The following DPP10 variants were observed in gnomAD, a reference collection of about 807,000 sequenced individuals.
DPP10 encodes dipeptidyl peptidase like 10.
A neutral mutation model predicts 120.9 loss-of-function variants in DPP10; 33 were observed. The observed-to-expected ratio is 0.27, with a 90% CI of 0.21 to 0.37. The LOEUF (loss-of-function observed/expected upper bound fraction) is 0.37, where lower values mean the gene tolerates loss of function less well. DPP10 is among the 10% of genes least tolerant of loss of function. The pLI, the probability that DPP10 is intolerant of heterozygous loss-of-function variation, is 1.00. For missense variants in DPP10, 816 were observed against 942.8 expected, an observed-to-expected ratio of 0.87 and a Z score of 1.76; for synonymous variants, 337 against 326.1, an observed-to-expected ratio of 1.03 and a Z score of -0.36.
chr2:114,499,664 G>T (rs17048450), intron 1 of DPP10, among the ~76,000 whole-genome samples: 7,239 of 151,958 alleles, frequency 0.048, 249 homozygotes, highest in African/African-American at 0.093. Flanking sequence ...CTTAGTGTCT[G>T]GTAGTAATCC....
chr2:114,754,539 TG>T (rs1452005061), intron 1 of DPP10, among the ~76,000 whole-genome samples: 6 of 152,232 alleles, frequency 3.9e-5, no homozygotes, highest in Non-Finnish European at 8.8e-5. Flanking sequence ...CTCTCTTTGA[TG>T]GTGGCTGCAC....
chr2:115,123,237 G>T (rs538359613), intron 1 of DPP10, among the ~76,000 whole-genome samples: 1 of 152,316 alleles, frequency 6.6e-6, no homozygotes, highest in South Asian at 2.1e-4. Flanking sequence ...TTTATAGCAG[G>T]AATGAAAGGA....
chr2:115,731,846 A>G (rs572382953), intron 8 of DPP10, among the ~76,000 whole-genome samples: 2 of 152,256 alleles, frequency 1.3e-5, no homozygotes. Context: ...CTTCAATGTT[A>G]AGGTTTGGCA....
intron 1 of DPP10, among the ~76,000 whole-genome samples, chr2:114,522,128 C>T (rs1173016064): frequency 6.7e-5 from 10 of 149,222 alleles, no homozygotes; most frequent in South Asian, 2.1e-4. Flanking sequence ...TACAGGCGCC[C>T]GCCACTACAC....
intron 1 of DPP10, among the ~76,000 whole-genome samples, chr2:115,220,730 C>T (rs887705436): frequency 4.6e-5 from 7 of 152,090 alleles, no homozygotes; most frequent in African/African-American, 1.7e-4. Flanking sequence ...TTGCTGAAAA[C>T]AAAACAAATC....
chr2:115,434,606 T>C (rs2071310887), intron 3 of DPP10, among the ~76,000 whole-genome samples: 1 of 116,378 alleles, frequency 8.6e-6, no homozygotes, highest in Non-Finnish European at 2.2e-5. Context: ...GTTTGATGCA[T>C]GTATATAAGA....
At chr2:114,630,834 C>T (rs958324151) in intron 1 of DPP10, among the ~76,000 whole-genome samples, 1 of 152,120 alleles carries the variant, frequency 6.6e-6, no homozygotes, top group Non-Finnish European at 1.5e-5. Context: ...TTCTGGTCCC[C>T]ACCCCTCCCT....
intron 1 of DPP10, among the ~76,000 whole-genome samples, chr2:115,182,544 T>G (rs965667792): frequency 4.6e-5 from 7 of 152,240 alleles, no homozygotes; most frequent in Admixed American, 1.3e-4. Context: ...TTCCAGCCCC[T>G]CTTTGGGCAT....
At chr2:115,285,675 T>A in intron 1 of DPP10, among the ~76,000 whole-genome samples, 1 of 152,066 alleles carries the variant, frequency 6.6e-6, no homozygotes, top group East Asian at 1.9e-4. Flanking sequence ...TTTCTCTTTT[T>A]GCTAAGAATG....
At chr2:115,609,731 T>A (rs1452665675) in intron 5 of DPP10, among the ~76,000 whole-genome samples, 1 of 152,180 alleles carries the variant, frequency 6.6e-6, no homozygotes, top group Non-Finnish European at 1.5e-5. Context: ...GAATGAGTCA[T>A]TAACCTTAGT....
In DPP10 at chr2:115,777,312, A is replaced by T; in HGVS notation, c.1313+13A>T. ...CTACTCAAAAAATGTGAGTGTTTTC[A>T]GTTCTCTAGTCAGGCTGCAAGTTAG... On this transcript the variant is annotated intron_variant, in intron 14 of 25. Transcript: ENST00000410059. 2 of 1,606,174 alleles carry T rather than the reference A, an allele frequency of 1.2e-6. No individual in the cohort carries two copies. Among genetic ancestry groups the T allele is most frequent in the Non-Finnish European group, 1.7e-6 (2 of 1,173,394 alleles).
At chr2:115,753,132 C>T (rs368752787) in intron 10 of DPP10, 42 bp from the exon 11 acceptor site, 19 of 1,579,516 alleles carry the variant, frequency 1.2e-5, no homozygotes, top group Non-Finnish European at 1.6e-5. Context: ...TATATCAATG[C>T]TCTGGCTCTA....
intron 1 of DPP10, among the ~76,000 whole-genome samples, chr2:115,245,762 T>A (rs2105615090): frequency 6.6e-6 from 1 of 152,284 alleles, no homozygotes; most frequent in East Asian, 1.9e-4. Flanking sequence ...GTTACTTTTG[T>A]TGCTGAGTTT....
intron 5 of DPP10, among the ~76,000 whole-genome samples, chr2:115,557,784 A>G (rs1361446271): frequency 6.6e-6 from 1 of 152,142 alleles, no homozygotes; most frequent in Non-Finnish European, 1.5e-5. Context: ...CCTATTTGTC[A>G]CTTCCTGTGA....
At chr2:115,276,101 T>C (rs1359473224) in intron 1 of DPP10, among the ~76,000 whole-genome samples, 1 of 152,136 alleles carries the variant, frequency 6.6e-6, no homozygotes, top group Non-Finnish European at 1.5e-5. Context: ...GATGGATATG[T>C]GGAGAGAACA....
At chr2:115,030,925 T>A (rs1461920708) in intron 1 of DPP10, among the ~76,000 whole-genome samples, 1 of 152,174 alleles carries the variant, frequency 6.6e-6, no homozygotes, top group African/African-American at 2.4e-5. Flanking sequence ...ACCCATAGAA[T>A]GTAAGGAATT....
chr2:115,372,327 A>T (rs534936608), intron 3 of DPP10, among the ~76,000 whole-genome samples: 5 of 152,244 alleles, frequency 3.3e-5, no homozygotes, highest in Admixed American at 3.3e-4. Flanking sequence ...TTTAATTGCA[A>T]GTCTGTTTGG....
intron 1 of DPP10, among the ~76,000 whole-genome samples, chr2:114,767,740 AT>A (rs1680865787): frequency 6.6e-6 from 1 of 152,142 alleles, no homozygotes; most frequent in Non-Finnish European, 1.5e-5. Context: ...TCACCATGTG[AT>A]TCCAGGGGTT....
Position 115,343,291 on chromosome 2 carries a change from C to T in DPP10, c.176-526C>T, listed in dbSNP as rs903739544. Among the ~76,000 whole-genome samples the T allele has an allele frequency of 1.5e-4, 23 of 152,198 alleles. 1 individual carries two copies. In the South Asian group the frequency reaches 2.5e-3, roughly 16 times the overall value. ...TTTGAACTTTACATTTAAGTCAAAT[C>T]TACTTTGTATTTGTTGGGTACTAAT... is the stretch of plus-strand genomic sequence containing the variant. On this transcript the variant is annotated intron_variant, in intron 2 of 25. Transcript: ENST00000410059.
Sources: allele counts gnomAD v4.1 joint callset (sites outside exome capture counted in the v4.1 genomes callset), GRCh38; gene constraint gnomAD v4.1.1; transcripts MANE v1.5; gene names NCBI Gene and HGNC (gene_info 2026-07-23, HGNC 2026-07-21).